Variants in GRM8 observed in about 807,000 individuals in gnomAD.
GRM8 encodes the protein metabotropic glutamate receptor 8.
A neutral mutation model predicts 87.2 loss-of-function variants in GRM8; 47 were observed. The observed-to-expected ratio is 0.54, with a 90% confidence interval of 0.43 to 0.69. The LOEUF (loss-of-function observed/expected upper bound fraction) is 0.69. Among genes scored for constraint, GRM8 ranks in the 30% least tolerant of loss-of-function variants. The pLI is 0.00. For missense variants in GRM8, 1,019 were observed against 1,139.2 expected, an observed-to-expected ratio of 0.89 and a Z score of 1.52; for synonymous variants, 396 against 404.5, an observed-to-expected ratio of 0.98 and a Z score of 0.25.
intron 7 of GRM8, among the ~76,000 whole-genome samples, chr7:126,621,488 G>A (rs148470409): frequency 0.021 from 3,132 of 152,046 alleles, 126 homozygotes; most frequent in African/African-American, 0.072. Context: ...GCTCCATCTC[G>A]GCTCACTGCA....
chr7:126,565,496 A>G, intron 8 of GRM8, among the ~76,000 whole-genome samples: 1 of 152,272 alleles, frequency 6.6e-6, no homozygotes, highest in East Asian at 1.9e-4. Context: ...TAAGGAGATG[A>G]AAGACTTATA....
intron 2 of GRM8, among the ~76,000 whole-genome samples, chr7:127,155,814 T>A (rs1251052058): frequency 6.6e-6 from 1 of 152,176 alleles, no homozygotes; most frequent in Non-Finnish European, 1.5e-5. Flanking sequence ...AAATCAGTCC[T>A]GTCCTCCTTA....
In GRM8 at chr7:127,071,411, G is replaced by A. The variant is rs553947557; in HGVS notation, c.727+35085C>T. On this transcript the variant is annotated intron_variant, in intron 3 of 10. Transcript: ENST00000339582. ...TCTACAGACTTGGTGTTCAGATAAT[G>A]ATTTAAGACCACCTCACCCTGCCTT... 1.5e-4 allele frequency among the ~76,000 whole-genome samples: 23 copies of A among 152,242 alleles called. No individual in the cohort carries two copies. In the South Asian group the frequency reaches 4.6e-3, roughly 30 times the overall value.
chr7:126,725,034 G>C (rs1283239181), intron 7 of GRM8, among the ~76,000 whole-genome samples: 1 of 152,152 alleles, frequency 6.6e-6, no homozygotes, highest in Admixed American at 6.6e-5. Context: ...GAGATGACAA[G>C]AACAGATGTT....
chr7:126,970,138 C>T (rs180968407), intron 3 of GRM8, among the ~76,000 whole-genome samples: 16 of 152,158 alleles, frequency 1.1e-4, no homozygotes, highest in African/African-American at 3.1e-4. Context: ...TTCTTAAGGG[C>T]CCTAGGGTTT....
chr7:126,463,980 T>C (rs1168987548), intron 9 of GRM8, among the ~76,000 whole-genome samples: 2 of 151,764 alleles, frequency 1.3e-5, no homozygotes, highest in Non-Finnish European at 2.9e-5. Context: ...ACATAAAATA[T>C]AGTTACAGTT....
chr7:127,128,229 A>G (rs1487452530), intron 2 of GRM8, among the ~76,000 whole-genome samples: 1 of 152,172 alleles, frequency 6.6e-6, no homozygotes, highest in Non-Finnish European at 1.5e-5. Flanking sequence ...TATCAGAATT[A>G]CCTGGGTGGC....
chr7:126,643,619 G>A (rs1802718185), intron 7 of GRM8, among the ~76,000 whole-genome samples: 1 of 151,804 alleles, frequency 6.6e-6, no homozygotes, highest in Non-Finnish European at 1.5e-5. Context: ...TAAAAACTAC[G>A]AGAAGTTCCA....
At chr7:127,153,370 T>C (rs1025451782) in intron 2 of GRM8, among the ~76,000 whole-genome samples, 1 of 152,052 alleles carries the variant, frequency 6.6e-6, no homozygotes, top group African/African-American at 2.4e-5. Flanking sequence ...ACAAGGAGTA[T>C]GAGAATGTAG....
intron 3 of GRM8, chr7:126,981,400 C>A (rs1427093920): frequency 6.6e-6 from 1 of 152,088 alleles, no homozygotes; most frequent in African/African-American, 2.4e-5. Context: ...TAATTTATTT[C>A]TTACAGTTTA....
At chr7:127,226,376 A>AT (rs1299672789) in intron 2 of GRM8, among the ~76,000 whole-genome samples, 10 of 151,880 alleles carry the variant, frequency 6.6e-5, no homozygotes, top group Admixed American at 4.6e-4. Flanking sequence ...AAATATTTCG[A>AT]TTTTTTCCCA....
intron 7 of GRM8, among the ~76,000 whole-genome samples, chr7:126,698,823 CTTT>C (rs1809642635): frequency 6.6e-6 from 1 of 152,114 alleles, no homozygotes; most frequent in Non-Finnish European, 1.5e-5. Flanking sequence ...AAAATACTTA[CTTT>C]ATTATTAATT....
intron 6 of GRM8, among the ~76,000 whole-genome samples, chr7:126,803,061 A>G (rs1356012920): frequency 6.6e-6 from 1 of 152,228 alleles, no homozygotes; most frequent in South Asian, 2.1e-4. Context: ...TCAGTTTCCA[A>G]ATAGTCACTT....
chr7:126,923,464 T>G (rs549783982), intron 3 of GRM8, among the ~76,000 whole-genome samples: 8 of 152,320 alleles, frequency 5.3e-5, no homozygotes, highest in Non-Finnish European at 1.2e-4. Flanking sequence ...AAACCACTAC[T>G]GACACTTTAT....
At chr7:127,209,295 GA>G (rs1489989437) in intron 2 of GRM8, among the ~76,000 whole-genome samples, 1 of 152,192 alleles carries the variant, frequency 6.6e-6, no homozygotes, top group Non-Finnish European at 1.5e-5. Flanking sequence ...ACGAAATCAG[GA>G]AGGAACCTCA....
intron 6 of GRM8, among the ~76,000 whole-genome samples, chr7:126,883,765 A>G (rs1260059417): frequency 6.6e-6 from 1 of 152,158 alleles, no homozygotes; most frequent in African/African-American, 2.4e-5. Flanking sequence ...TTTTTAACTA[A>G]GACTATCATG....
intron 6 of GRM8, among the ~76,000 whole-genome samples, chr7:126,850,462 T>C (rs986005650): frequency 1.3e-5 from 2 of 152,176 alleles, no homozygotes; most frequent in Non-Finnish European, 2.9e-5. Context: ...GGTTTATTAC[T>C]CACTACAACA....
chr7:126,622,175 C>A (rs960262628), intron 7 of GRM8, among the ~76,000 whole-genome samples: 2 of 152,140 alleles, frequency 1.3e-5, no homozygotes, highest in Admixed American at 1.3e-4. Flanking sequence ...ATGCCCAGGG[C>A]ATGACTCCGA....
chr7:127,177,088 G>A (rs17865412), intron 2 of GRM8, among the ~76,000 whole-genome samples: 2,124 of 152,258 alleles, frequency 0.014, 41 homozygotes, highest in African/African-American at 0.047. Context: ...CAGCTGGGAG[G>A]TGGGTAGCCC....
Sources: gnomAD v4.1 joint callset for allele counts (sites outside exome capture counted in the v4.1 genomes callset) on GRCh38, gnomAD v4.1.1 for gene constraint, MANE v1.5 for transcripts, NCBI Gene and HGNC (gene_info 2026-07-23, HGNC 2026-07-21) for gene names.